ANO2: variants seen among roughly 807,000 people sequenced by gnomAD.
ANO2 encodes anoctamin 2.
In ANO2, 101 loss-of-function variants were observed where a neutral mutation model predicts 124.2. That is an observed-to-expected ratio of 0.81 (90% CI 0.69 to 0.96). ANO2 has a LOEUF of 0.96. Among genes scored for constraint, ANO2 ranks in the 40% least tolerant of loss-of-function variants. The pLI, the probability that ANO2 is intolerant of heterozygous loss-of-function variation, is 0.00. For synonymous variants in ANO2, 486 were observed against 482.5 expected (o/e 1.01, Z -0.09); for missense variants, 1,293 against 1,274.5 (o/e 1.01, Z -0.22).
intron 7 of ANO2, 170 bp downstream of exon 7, chr12:5,827,599 C>T: frequency 1.3e-6 from 1 of 755,748 alleles, no homozygotes; most frequent in South Asian, 1.6e-5. Context: ...AATGGGACCC[C>T]CGCTGCTCCT....
chr12:5,842,812 C>T (rs1464651605), intron 4 of ANO2, among the ~76,000 whole-genome samples: 5 of 152,176 alleles, frequency 3.3e-5, no homozygotes, highest in East Asian at 1.9e-4. Context: ...TACGCACATC[C>T]GCCACACGGC....
intron 19 of ANO2, among the ~76,000 whole-genome samples, chr12:5,605,778 C>T (rs1232584737): frequency 6.6e-6 from 1 of 152,108 alleles, no homozygotes; most frequent in Non-Finnish European, 1.5e-5. Flanking sequence ...AGGGAAATTC[C>T]CATCCATGGA....
chr12:5,840,804 T>C (rs1651434856), intron 4 of ANO2, among the ~76,000 whole-genome samples: 1 of 152,184 alleles, frequency 6.6e-6, no homozygotes, highest in Non-Finnish European at 1.5e-5. Context: ...TTTTTATTTA[T>C]TGATGCTTTC....
At chr12:5,734,651 CTT>C (rs1174928022) in intron 13 of ANO2, among the ~76,000 whole-genome samples, 8 of 147,344 alleles carry the variant, frequency 5.4e-5, no homozygotes, top group Non-Finnish European at 9.0e-5. Flanking sequence ...TTTTTTCTTT[CTT>C]TTTTTTTTTT....
At chr12:5,704,562 G>C (rs1047150439) in intron 14 of ANO2, among the ~76,000 whole-genome samples, 9 of 152,114 alleles carry the variant, frequency 5.9e-5, no homozygotes, top group African/African-American at 1.7e-4. Context: ...CTGTTGGTGG[G>C]CAGATTTGAC....
intron 16 of ANO2, among the ~76,000 whole-genome samples, chr12:5,634,704 C>A (rs559458995): frequency 2.6e-5 from 4 of 152,098 alleles, no homozygotes; most frequent in African/African-American, 9.7e-5. Context: ...TCTGACAATA[C>A]GGGGATAGAT....
intron 1 of ANO2, among the ~76,000 whole-genome samples, chr12:5,926,173 T>C (rs1235780617): frequency 6.6e-6 from 1 of 152,248 alleles, no homozygotes; most frequent in Non-Finnish European, 1.5e-5. Flanking sequence ...TTCTTCCTCA[T>C]GCCCCATGTC....
At chr12:5,596,209 T>C (rs1302750045) in intron 20 of ANO2, among the ~76,000 whole-genome samples, 1 of 152,108 alleles carries the variant, frequency 6.6e-6, no homozygotes, top group East Asian at 1.9e-4. Flanking sequence ...AGGATTAAAA[T>C]AGGGAGAATT....
chr12:5,780,425 T>C (rs1952355021), intron 10 of ANO2, among the ~76,000 whole-genome samples: 1 of 152,234 alleles, frequency 6.6e-6, no homozygotes, highest in South Asian at 2.1e-4. Context: ...AGTATCTCTT[T>C]ATTTTTTACA....
At chr12:5,678,870 T>C (rs757540639) in intron 14 of ANO2, among the ~76,000 whole-genome samples, 23 of 148,834 alleles carry the variant, frequency 1.5e-4, no homozygotes, top group Non-Finnish European at 3.3e-4. Flanking sequence ...CTCAGGTGCC[T>C]AGCAAGGTTG....
intron 22 of ANO2, 144 bp from the exon 23 acceptor site, chr12:5,576,159 G>T: frequency 2.6e-6 from 2 of 781,928 alleles, no homozygotes; most frequent in Non-Finnish European, 3.8e-6. Flanking sequence ...TCATGCAGCT[G>T]AGTCACATGC....
At position 5,908,303 on chromosome 12, in the gene ANO2, G is replaced by C. The variant is rs530380870; in HGVS notation, c.534+12737C>G. On this transcript the variant is annotated intron_variant, in intron 3 of 24. Coordinates refer to ENST00000682330, the MANE Select transcript of ANO2 (RefSeq NM_001364791.2). This position sits in a 1 kb window ranked among gnomAD's most constrained non-coding sequence, Gnocchi z 4.7. ...AGCTAAGTGTAAGTTCCCTGGGCTG[G>C]AAGAGCCCAGAAAGAACGGATCAAC... Among the ~76,000 whole-genome samples, 6 of 152,356 alleles carry C rather than the reference G, an allele frequency of 3.9e-5. No homozygotes were observed. The highest frequency in any genetic ancestry group is 1.9e-4 in the East Asian group (1 of 5,184).
At chr12:5,835,546 T>C (rs1954288415) in intron 4 of ANO2, among the ~76,000 whole-genome samples, 1 of 152,226 alleles carries the variant, frequency 6.6e-6, no homozygotes, top group Admixed American at 6.5e-5. Context: ...TCAATGTACT[T>C]TAGTGCTAAT....
At chr12:5,761,099 T>C (rs1281023099) in intron 10 of ANO2, among the ~76,000 whole-genome samples, 1 of 150,648 alleles carries the variant, frequency 6.6e-6, no homozygotes, top group African/African-American at 2.4e-5. Context: ...TGTCCTACAC[T>C]TAAAGAGAAA....
At chr12:5,686,676 G>A (rs953378027) in intron 14 of ANO2, among the ~76,000 whole-genome samples, 8 of 152,196 alleles carry the variant, frequency 5.3e-5, no homozygotes, top group East Asian at 3.9e-4. Flanking sequence ...TCTGGGAAGC[G>A]GGCATGTGGC....
chr12:5,790,801 C>A (rs1240621669), intron 10 of ANO2, among the ~76,000 whole-genome samples: 1 of 152,164 alleles, frequency 6.6e-6, no homozygotes, highest in African/African-American at 2.4e-5. Context: ...GGCTTCAACA[C>A]CACATCCAGT....
intron 1 of ANO2, among the ~76,000 whole-genome samples, chr12:5,931,262 A>G (rs543435534): frequency 1.3e-5 from 2 of 151,242 alleles, no homozygotes; most frequent in Admixed American, 1.3e-4. Context: ...TTCCCCCTAT[A>G]CCCCCATTAC....
chr12:5,650,340 G>T (rs570764150), intron 14 of ANO2, among the ~76,000 whole-genome samples: 4 of 152,244 alleles, frequency 2.6e-5, no homozygotes, highest in South Asian at 4.1e-4. Flanking sequence ...GCAACTTAAA[G>T]AAAAAATGCT....
chr12:5,859,280 T>A (rs530273438), intron 3 of ANO2, among the ~76,000 whole-genome samples: 1 of 152,334 alleles, frequency 6.6e-6, no homozygotes, highest in Admixed American at 6.5e-5. Flanking sequence ...CCTGTCAGTC[T>A]AAGGTAGGTA....
Sources: gnomAD v4.1 joint callset for allele counts (sites outside exome capture counted in the v4.1 genomes callset) on GRCh38, gnomAD v4.1.1 for gene constraint, Gnocchi (gnomAD v3.1) non-coding constraint, MANE v1.5 for transcripts, NCBI Gene and HGNC (gene_info 2026-07-23, HGNC 2026-07-21) for gene names.